BTBD9: variants seen among roughly 807,000 people sequenced by gnomAD.
BTBD9 encodes BTB domain containing 9.
A neutral mutation model predicts 64.3 loss-of-function variants in BTBD9; 49 were observed. That is an observed-to-expected ratio of 0.76 (90% CI 0.61 to 0.97). The LOEUF (loss-of-function observed/expected upper bound fraction) is 0.97, where lower values mean the gene tolerates loss of function less well. Ranked by LOEUF, BTBD9 falls within the 50% of genes least tolerant of loss-of-function variation. The pLI is 0.00. For missense variants in BTBD9, 598 were observed against 762.1 expected, an observed-to-expected ratio of 0.78 and a Z score of 2.53; for synonymous variants, 260 against 274.7, an observed-to-expected ratio of 0.95 and a Z score of 0.53.
At chr6:38,284,571 C>T (rs1032351862) in intron 8 of BTBD9, among the ~76,000 whole-genome samples, 2 of 152,174 alleles carry the variant, frequency 1.3e-5, no homozygotes, top group African/African-American at 4.8e-5. Context: ...CCAGTTTCCC[C>T]TTCTTTTTTG....
rs1766830091 is a variant in BTBD9, at chr6:38,172,402, A to C, written c.*2583T>G. The C allele has an allele frequency of 6.6e-6, 1 of 152,334 alleles. No individual in the cohort carries two copies. The highest frequency in any genetic ancestry group is 2.1e-4 in the South Asian group (1 of 4,836). The allele number at this position is 152,334 out of a possible 1,614,324, so 9.4% of individuals were successfully genotyped here. A position where few individuals can be genotyped will look rare whatever the true frequency, so the allele number is the denominator to read the frequency against. ...CCACTCACTTGTCCCTGTTCCCTGGAGATGAGGTCCTTGCCCTGGTGTGTG... is the reference window on the plus strand; with the variant it reads ...CCACTCACTTGTCCCTGTTCCCTGGCGATGAGGTCCTTGCCCTGGTGTGTG... On this transcript the variant is annotated 3_prime_UTR_variant, in exon 11 of 11. Transcript: ENST00000481247.
chr6:38,320,689 G>T (rs1041887390), intron 7 of BTBD9, among the ~76,000 whole-genome samples: 2 of 152,100 alleles, frequency 1.3e-5, no homozygotes, highest in African/African-American at 4.8e-5. Flanking sequence ...TATGAATATT[G>T]ACAGAATAAG....
chr6:38,634,220 T>C (rs995350548), intron 1 of BTBD9, among the ~76,000 whole-genome samples: 3 of 152,250 alleles, frequency 2.0e-5, no homozygotes, highest in Non-Finnish European at 4.4e-5. Context: ...GCTACTGTTT[T>C]ATTTCCTTAT....
At chr6:38,462,838 G>A (rs552006230) in intron 6 of BTBD9, among the ~76,000 whole-genome samples, 2 of 151,968 alleles carry the variant, frequency 1.3e-5, no homozygotes, top group East Asian at 1.9e-4. Context: ...TCACTCTGTC[G>A]CCCAGGCTGG....
At chr6:38,280,831 G>A (rs550493115) in intron 8 of BTBD9, among the ~76,000 whole-genome samples, 52 of 152,292 alleles carry the variant, frequency 3.4e-4, no homozygotes, top group African/African-American at 1.2e-3. Context: ...CAAATATGAT[G>A]TCCAATTTAG....
chr6:38,446,297 AAAC>A (rs1386788616), intron 6 of BTBD9, among the ~76,000 whole-genome samples: 1 of 152,128 alleles, frequency 6.6e-6, no homozygotes, highest in East Asian at 1.9e-4. Flanking sequence ...AATCATAATT[AAAC>A]AACTAGTTTT....
rs895274493 is a variant in BTBD9, at chr6:38,288,309, C to T, written c.1417G>A (p.Val473Ile). The T allele has an allele frequency of 1.9e-6, 3 of 1,614,002 alleles. No individual in the cohort carries two copies. The highest frequency in any genetic ancestry group is 2.5e-6 in the Non-Finnish European group (3 of 1,179,998). The change falls in exon 8 of 11, where the codon GTT becomes ATT. Residue 473 changes from valine (V) to isoleucine (I), a missense_variant. Coordinates refer to ENST00000481247, the MANE Select transcript of BTBD9 (RefSeq NM_001099272.2). ...ATCATGTACGGTTGTGCCAACTGAA[C>T]CACAATCGCACCACTTCCTAGCTGG... is the stretch of plus-strand genomic sequence containing the variant. ...CHQLGSGAIV[V>I]QLAQPYMIGS...
intron 6 of BTBD9, among the ~76,000 whole-genome samples, chr6:38,524,907 G>A (rs1773419644): frequency 6.6e-6 from 1 of 152,028 alleles, no homozygotes; most frequent in South Asian, 2.1e-4. Flanking sequence ...GGAGTAGCTG[G>A]TAGTGTCAAA....
intron 7 of BTBD9, among the ~76,000 whole-genome samples, 165 bp from the exon 8 acceptor site, chr6:38,288,626 T>C (rs918030669): frequency 1.3e-5 from 2 of 152,188 alleles, no homozygotes; most frequent in Admixed American, 6.5e-5. Context: ...CCATGCCAAA[T>C]AGCTTTTTAA....
intron 6 of BTBD9, among the ~76,000 whole-genome samples, chr6:38,513,349 G>A (rs1338261593): frequency 6.6e-6 from 1 of 152,010 alleles, no homozygotes; most frequent in African/African-American, 2.4e-5. Flanking sequence ...TTGGGAGGCT[G>A]AAGCAGAAGA....
chr6:38,530,670 G>A (rs1198239516), intron 6 of BTBD9, among the ~76,000 whole-genome samples: 2 of 152,058 alleles, frequency 1.3e-5, no homozygotes. Flanking sequence ...GAGAGACAGA[G>A]ATAGGTGACC....
intron 6 of BTBD9, among the ~76,000 whole-genome samples, chr6:38,436,931 A>G (rs1768770205): frequency 6.6e-6 from 1 of 152,182 alleles, no homozygotes; most frequent in Non-Finnish European, 1.5e-5. Context: ...AGTCATAGGA[A>G]TATGTATATG....
chr6:38,587,063 CA>C (rs35943182), intron 4 of BTBD9, among the ~76,000 whole-genome samples: 12,867 of 122,390 alleles, frequency 0.11, 629 homozygotes, highest in Middle Eastern at 0.23. Context: ...GACTCCATCT[CA>C]AAAAAAAAAA....
Position 38,168,895 on chromosome 6 carries a change from C to T in BTBD9, c.*6090G>A, listed in dbSNP as rs1028699019. 1 of 152,344 alleles carries T rather than the reference C, an allele frequency of 6.6e-6. No homozygotes were observed. The highest frequency in any genetic ancestry group is 2.4e-5 in the African/African-American group (1 of 41,468). The allele number at this position is 152,344 out of a possible 1,614,324, so 9.4% of individuals were successfully genotyped here. A position where few individuals can be genotyped will look rare whatever the true frequency, so the allele number is the denominator to read the frequency against. ...CGCCCCTCCAGAGTCTCACGCTTCT[C>T]CAGGCACTGGGGGGTGGGGAAGGGT... On this transcript the variant is annotated 3_prime_UTR_variant, in exon 11 of 11. Coordinates refer to ENST00000481247, the MANE Select transcript of BTBD9 (RefSeq NM_001099272.2).
intron 1 of BTBD9, among the ~76,000 whole-genome samples, chr6:38,604,833 A>T (rs1254601449): frequency 6.6e-6 from 1 of 152,176 alleles, no homozygotes; most frequent in Non-Finnish European, 1.5e-5. Context: ...AACCACAGGA[A>T]TTTGGAAAGA....
At chr6:38,510,722 A>G (rs1772736928) in intron 6 of BTBD9, among the ~76,000 whole-genome samples, 2 of 152,150 alleles carry the variant, frequency 1.3e-5, no homozygotes, top group South Asian at 4.1e-4. Context: ...GAACTCTTTT[A>G]TTAAATACTA....
intron 6 of BTBD9, among the ~76,000 whole-genome samples, chr6:38,369,867 T>C (rs1373957077): frequency 6.6e-6 from 1 of 152,166 alleles, no homozygotes; most frequent in Non-Finnish European, 1.5e-5. Context: ...TGGGAAGTAA[T>C]ATAAATCTGA....
chr6:38,505,741 C>T (rs999189473), intron 6 of BTBD9, among the ~76,000 whole-genome samples: 3 of 151,398 alleles, frequency 2.0e-5, no homozygotes, highest in Non-Finnish European at 4.4e-5. Flanking sequence ...CTGAGGTGGA[C>T]AGATCACAAG....
intron 6 of BTBD9, among the ~76,000 whole-genome samples, chr6:38,516,501 T>C (rs773190544): frequency 1.3e-5 from 2 of 152,188 alleles, no homozygotes; most frequent in Non-Finnish European, 2.9e-5. Context: ...CTTGAAGGGC[T>C]ACCTGGTCGC....
Sources: allele counts gnomAD v4.1 joint callset (sites outside exome capture counted in the v4.1 genomes callset), GRCh38; gene constraint gnomAD v4.1.1; transcripts MANE v1.5; gene names NCBI Gene and HGNC (gene_info 2026-07-23, HGNC 2026-07-21).